Variants in CREB1 observed in about 807,000 individuals in gnomAD.
CREB1 encodes cyclic AMP-responsive element-binding protein 1.
A neutral mutation model predicts 42.0 loss-of-function variants in CREB1; 2 were observed. The ratio of observed to expected loss-of-function variants is 0.05; its 90% CI spans 0.02 to 0.15. The LOEUF is 0.15. CREB1 is among the 10% of genes least tolerant of loss of function. CREB1 has a pLI of 1.00. For synonymous variants in CREB1, 123 were observed against 139.9 expected, an observed-to-expected ratio of 0.88 and a Z score of 0.85; for missense variants, 199 against 388.9, an observed-to-expected ratio of 0.51 and a Z score of 4.11.
At chr2:207,560,477 A>C (rs1199505934) in intron 3 of CREB1, 105 bp downstream of exon 3, 5 of 1,131,148 alleles carry the variant, frequency 4.4e-6, no homozygotes, top group Non-Finnish European at 6.3e-6. Context: ...AGTTCAGTTT[A>C]TTTTATTCAC....
intron 5 of CREB1, among the ~76,000 whole-genome samples, chr2:207,572,446 T>C (rs1048232948): frequency 6.6e-5 from 10 of 152,200 alleles, no homozygotes; most frequent in African/African-American, 2.4e-4. Flanking sequence ...GTTGTCAGAA[T>C]TCACCATAGA....
rs192194456 is a variant in CREB1 at position 207,535,437 on chromosome 2, T to A, written c.-9+5303T>A. On this transcript the variant is annotated intron_variant, in intron 1 of 7. Transcript: ENST00000353267. ...GTCCGGTGTTTTTTTGGGTTTTTTT[T>A]AACAGACAGCTCATGGGATATTATT... Among the ~76,000 whole-genome samples the A allele has an allele frequency of 5.3e-5, 8 of 152,290 alleles. No individual in the cohort carries two copies. The East Asian group carries it at 1.5e-3, about 29-fold the overall frequency.
rs1575076822 is a variant in CREB1 at position 207,603,226 on chromosome 2, G to A, written c.*6168G>A. 1 of 218,414 alleles carries A rather than the reference G, an allele frequency of 4.6e-6. No individual in the cohort carries two copies. Among genetic ancestry groups the A allele is most frequent in the African/African-American group, 2.2e-5 (1 of 44,678 alleles). 13.5% of individuals were successfully genotyped at this position (218,414 alleles called of 1,614,324 possible). ...AGAAAAAAATGTACTGAGTTACAAT[G>A]CATTTTATTAACACTATGTACATAA... is the stretch of plus-strand genomic sequence containing the variant. On this transcript the variant is annotated 3_prime_UTR_variant, in exon 8 of 8. Transcript: ENST00000353267.
rs1249977097 is a variant in CREB1, at chr2:207,601,876, C to T, written c.*4818C>T. On this transcript the variant is annotated 3_prime_UTR_variant, in exon 8 of 8. Coordinates refer to ENST00000353267, the MANE Select transcript of CREB1 (RefSeq NM_004379.5). ...AACTTTTTGTTGGGAGGCTTACATA[C>T]ATCTTGAATATTCTTAATGTAATAA... 3 of 215,456 alleles carry T rather than the reference C, an allele frequency of 1.4e-5. No individual in the cohort carries two copies. The highest frequency in any genetic ancestry group is 1.4e-4 in the East Asian group (2 of 14,522). 13.3% of individuals were successfully genotyped at this position (215,456 alleles called of 1,614,324 possible).
rs1250161727 is a variant in CREB1 at position 207,600,613 on chromosome 2, C to A, written c.*3555C>A. ...TTTTTAAAGGAACCACTGATTTTTT[C>A]AAAAATCATCCTGGGGGAGGAATTT... On this transcript the variant is annotated 3_prime_UTR_variant, in exon 8 of 8. Transcript: ENST00000353267. 9.4e-6 allele frequency: 2 copies of A among 211,804 alleles called. No homozygotes were observed. Among genetic ancestry groups the A allele is most frequent in the Non-Finnish European group, 1.9e-5 (2 of 104,592 alleles). 13.1% of individuals were successfully genotyped at this position (211,804 alleles called of 1,614,324 possible). A position where few individuals can be genotyped will look rare whatever the true frequency, so the allele number is the denominator to read the frequency against.
intron 1 of CREB1, among the ~76,000 whole-genome samples, chr2:207,550,025 C>G (rs2081443462): frequency 6.6e-6 from 1 of 151,914 alleles, no homozygotes; most frequent in Non-Finnish European, 1.5e-5. Context: ...AACAGTTACC[C>G]TAAAAACTAA....
At chr2:207,537,117 C>T (rs975758238) in intron 1 of CREB1, among the ~76,000 whole-genome samples, 6 of 152,004 alleles carry the variant, frequency 3.9e-5, no homozygotes, top group African/African-American at 7.2e-5. Flanking sequence ...TGCAGTGGTG[C>T]GATCTCAGCT....
intron 1 of CREB1, among the ~76,000 whole-genome samples, chr2:207,544,289 T>C (rs1021335229): frequency 2.0e-5 from 3 of 152,232 alleles, no homozygotes; most frequent in Admixed American, 6.5e-5. Flanking sequence ...CATGAAAAAA[T>C]ACATTGATTT....
At chr2:207,539,044 CTTTTTT>C (rs66502070) in intron 1 of CREB1, among the ~76,000 whole-genome samples, 1 of 140,478 alleles carries the variant, frequency 7.1e-6, no homozygotes. Flanking sequence ...TATTTGTACT[CTTTTTT>C]TTTTTTTTTG....
intron 7 of CREB1, among the ~76,000 whole-genome samples, chr2:207,590,083 G>GTTTTTTTTTTTTTTTTTTTTTTTTT (rs59126515): frequency 1.3e-5 from 1 of 76,148 alleles, no homozygotes; most frequent in East Asian, 4.5e-4. Context: ...ATTTTGAGAA[G>GTTTTTTTTTTTTTTTTTTTTTTTTT]TTTTTTTTTT....
chr2:207,559,895 T>C (rs1048665094), intron 2 of CREB1, among the ~76,000 whole-genome samples: 1 of 152,094 alleles, frequency 6.6e-6, no homozygotes, highest in Non-Finnish European at 1.5e-5. Flanking sequence ...AAATTGGAAA[T>C]GAAAGCAGGT....
intron 5 of CREB1, 78 bp from the exon 6 acceptor site, chr2:207,575,194 T>G: frequency 7.3e-7 from 1 of 1,376,136 alleles, no homozygotes; most frequent in Middle Eastern, 1.9e-4. Flanking sequence ...ATTTTACAAA[T>G]TATTCTACAT....
At chr2:207,590,366 T>C (rs1279131204) in intron 7 of CREB1, among the ~76,000 whole-genome samples, 2 of 151,888 alleles carry the variant, frequency 1.3e-5, no homozygotes, top group Admixed American at 6.6e-5. Flanking sequence ...TTTTTTTAAG[T>C]CTGGCTAAAG....
intron 1 of CREB1, among the ~76,000 whole-genome samples, chr2:207,538,833 G>A (rs943175437): frequency 6.6e-6 from 1 of 152,158 alleles, no homozygotes; most frequent in Non-Finnish European, 1.5e-5. Context: ...CTAAGGATCT[G>A]GTTATCTACT....
intron 7 of CREB1, among the ~76,000 whole-genome samples, chr2:207,588,746 T>TGC (rs1369649857): frequency 7.0e-6 from 1 of 142,848 alleles, no homozygotes; most frequent in Non-Finnish European, 1.5e-5. Flanking sequence ...TTTTTTTGTG[T>TGC]GTGGGGGTGG....
chr2:207,569,906 G>A (rs994463986), intron 4 of CREB1, among the ~76,000 whole-genome samples: 16 of 151,742 alleles, frequency 1.1e-4, no homozygotes, highest in African/African-American at 3.4e-4. Flanking sequence ...TTAGCCAGGC[G>A]TGGTGGCAGG....
rs890951600 is a variant in CREB1 at position 207,563,701 on chromosome 2, T to C, written c.261+3329T>C. 2.0e-5 allele frequency among the ~76,000 whole-genome samples: 3 copies of C among 152,272 alleles called. No individual in the cohort carries two copies. The South Asian group carries it at 6.2e-4, about 32-fold the overall frequency. ...GCTCATTCCTGTAATCCCAGCACTT[T>C]GGGAGGCTGAGGCGGGCGGATCACT... On this transcript the variant is annotated intron_variant, in intron 3 of 7. Transcript: ENST00000353267.
intron 1 of CREB1, among the ~76,000 whole-genome samples, chr2:207,538,317 G>C (rs576643767): frequency 6.6e-6 from 1 of 152,044 alleles, no homozygotes; most frequent in Non-Finnish European, 1.5e-5. Flanking sequence ...AATTTAATAC[G>C]TGCATTATAC....
intron 2 of CREB1, 65 bp from the exon 3 acceptor site, chr2:207,560,161 A>G (rs1267368663): frequency 7.2e-7 from 1 of 1,398,566 alleles, no homozygotes; most frequent in Non-Finnish European, 9.5e-7. Flanking sequence ...GTTATTTCAT[A>G]TTGAACATGA....
Sources: allele counts gnomAD v4.1 joint callset (sites outside exome capture counted in the v4.1 genomes callset), GRCh38; gene constraint gnomAD v4.1.1; transcripts MANE v1.5; gene names NCBI Gene and HGNC (gene_info 2026-07-23, HGNC 2026-07-21).